RFC1: variants seen among roughly 807,000 people sequenced by gnomAD.
The protein encoded by RFC1 is replication factor C subunit 1.
RFC1 carries 37 observed loss-of-function variants against 137.4 expected under a neutral mutation model. The ratio of observed to expected loss-of-function variants is 0.27; its 90% confidence interval spans 0.21 to 0.35. The LOEUF is 0.35. Among genes scored for constraint, RFC1 ranks in the 10% least tolerant of loss-of-function variants. The pLI is 1.00. For missense variants in RFC1, 1,205 were observed against 1,358.5 expected (o/e 0.89, Z 1.78); for synonymous variants, 429 against 455.7 (o/e 0.94, Z 0.75).
At chr4:39,337,435 AGTGTGTGT>A (rs71921435) in intron 4 of RFC1, among the ~76,000 whole-genome samples, 5,884 of 143,652 alleles carry the variant, frequency 0.041, 395 homozygotes, top group African/African-American at 0.14. Flanking sequence ...TACTCAAATA[AGTGTGTGT>A]GTGTGTGTGT....
intron 23 of RFC1, among the ~76,000 whole-genome samples, chr4:39,291,260 T>G (rs1407734635): frequency 6.6e-6 from 1 of 152,206 alleles, no homozygotes; most frequent in Non-Finnish European, 1.5e-5. Context: ...AGAAAATTTG[T>G]ACAAATCCTC....
intron 2 of RFC1, among the ~76,000 whole-genome samples, chr4:39,346,482 A>G (rs1740867007): frequency 6.6e-6 from 1 of 152,152 alleles, no homozygotes; most frequent in African/African-American, 2.4e-5. Context: ...GTCTCAAAAA[A>G]AAAAAAAAAG....
chr4:39,360,376 G>A (rs926727063), intron 1 of RFC1, among the ~76,000 whole-genome samples: 1 of 152,046 alleles, frequency 6.6e-6, no homozygotes, highest in Non-Finnish European at 1.5e-5. Flanking sequence ...GGTGGCATAC[G>A]TCTGTAGTCC....
In RFC1 at chr4:39,315,949, G is replaced by A. The variant is rs756062425; in HGVS notation, c.1203+966C>T. Among the ~76,000 whole-genome samples, 7 of 152,232 alleles carry A rather than the reference G, an allele frequency of 4.6e-5. No homozygotes were observed. The East Asian group carries it at 9.7e-4, about 21-fold the overall frequency. ...TCCCTCCACTTTAAAATTCCTTCTC[G>A]GCCGGGCCCAGTGGCTCACGCCTGT... is the stretch of plus-strand genomic sequence containing the variant. On this transcript the variant is annotated intron_variant, in intron 10 of 24. Transcript: ENST00000349703.
In RFC1 at chr4:39,354,216, G is replaced by A. The variant is rs1741347991; in HGVS notation, c.4-2740C>T. 2.6e-5 allele frequency among the ~76,000 whole-genome samples: 4 copies of A among 152,290 alleles called. No individual in the cohort carries two copies. In the South Asian group the frequency reaches 8.3e-4, roughly 32 times the overall value. On this transcript the variant is annotated intron_variant, in intron 1 of 24. Coordinates refer to ENST00000349703, the MANE Select transcript of RFC1 (RefSeq NM_002913.5). ...AGCTTTTAGAAAATAATTTTCATCA[G>A]AATGGAAGCCATTCTACTCATACTT...
At chr4:39,326,684 G>C in intron 5 of RFC1, 44 bp from the exon 6 acceptor site, 8 of 1,526,006 alleles carry the variant, frequency 5.2e-6, no homozygotes, top group Non-Finnish European at 7.2e-6. Flanking sequence ...TAAACCTTAA[G>C]TTAAAAATAA....
chr4:39,329,155 C>CAAAAAAA (rs1739952751), intron 4 of RFC1, among the ~76,000 whole-genome samples: 3 of 38,538 alleles, frequency 7.8e-5, no homozygotes, highest in East Asian at 3.1e-3. Context: ...AAAAAAAAAG[C>CAAAAAAA]TTTTCGATTT....
intron 13 of RFC1, among the ~76,000 whole-genome samples, chr4:39,307,966 G>C (rs1044320915): frequency 3.9e-5 from 6 of 152,136 alleles, no homozygotes; most frequent in African/African-American, 1.4e-4. Context: ...TCAAAGCTCA[G>C]TTAAGAAAAT....
At chr4:39,316,463 C>T (rs1027087784) in intron 10 of RFC1, among the ~76,000 whole-genome samples, 1 of 152,126 alleles carries the variant, frequency 6.6e-6, no homozygotes, top group East Asian at 1.9e-4. Flanking sequence ...CCCCTTCACA[C>T]CTGTTGAATC....
rs558324678 is a variant in RFC1 at position 39,351,610 on chromosome 4, G to A, written c.4-134C>T. On this transcript the variant is annotated intron_variant, in intron 1 of 24. Coordinates refer to ENST00000349703, the MANE Select transcript of RFC1 (RefSeq NM_002913.5). The stretch of plus-strand genomic sequence containing the variant: ...TTTTTCCATACCAAGATAGTTCCAC[G>A]AATATAGTAGCTTTCTTTTCATGTG... The A allele has an allele frequency of 8.2e-5, 52 of 632,382 alleles. No individual in the cohort carries two copies. In the East Asian group the frequency reaches 1.5e-3, roughly 18 times the overall value. The allele number at this position is 632,382 out of a possible 1,614,324, so 39.2% of individuals were successfully genotyped here. A position where few individuals can be genotyped will look rare whatever the true frequency, so the allele number is the denominator to read the frequency against.
At chr4:39,298,929 C>T (rs34596298) in intron 21 of RFC1, among the ~76,000 whole-genome samples, 14,898 of 152,204 alleles carry the variant, frequency 0.098, 891 homozygotes, top group East Asian at 0.2. Flanking sequence ...CCATCCTGGC[C>T]AACACTGTTG....
At chr4:39,337,376 A>C (rs1212357894) in intron 4 of RFC1, among the ~76,000 whole-genome samples, 1 of 148,304 alleles carries the variant, frequency 6.7e-6, no homozygotes, top group East Asian at 1.9e-4. Context: ...CTCCGTCTCA[A>C]AAAAAAAAAA....
intron 1 of RFC1, among the ~76,000 whole-genome samples, chr4:39,360,152 G>A (rs1741679213): frequency 6.6e-6 from 1 of 152,160 alleles, no homozygotes; most frequent in African/African-American, 2.4e-5. Flanking sequence ...GATCGTTTCA[G>A]GTCAGGAGTT....
intron 24 of RFC1, 154 bp downstream of exon 24, chr4:39,289,694 A>AT: frequency 1.7e-6 from 1 of 588,014 alleles, no homozygotes; most frequent in Non-Finnish European, 3.0e-6. Context: ...TAAAAATGAA[A>AT]TCTCTACCTT....
rs147775081 is a variant in RFC1, at chr4:39,291,754, T to A, written c.3053A>T (p.Gln1018Leu). ...TGTGTCCATAAGTGCAACAACATCC[T>A]GTACTCCGTCTACTCCTTGTGAGGT... ...PLTSQGVDGVQDVVALMDTYY... is the reference protein window; with the variant it reads ...PLTSQGVDGVLDVVALMDTYY... Residue 1018 changes from glutamine (Q) to leucine (L), a missense_variant, in exon 23 of 25, where the codon CAG becomes CTG. Gln to Leu is a moderately radical substitution (Grantham distance 113, BLOSUM62 -2). Transcript: ENST00000349703. 4.3e-6 allele frequency: 7 copies of A among 1,613,646 alleles called. No homozygotes were observed. In the East Asian group the frequency reaches 1.6e-4, roughly 36 times the overall value.
intron 1 of RFC1, among the ~76,000 whole-genome samples, chr4:39,364,004 C>T (rs1741892848): frequency 6.6e-6 from 1 of 150,944 alleles, no homozygotes; most frequent in African/African-American, 2.4e-5. Flanking sequence ...CGCTTGTACC[C>T]CGGAATTAGA....
intron 1 of RFC1, among the ~76,000 whole-genome samples, chr4:39,361,143 C>G (rs1741734489): frequency 6.6e-6 from 1 of 152,056 alleles, no homozygotes; most frequent in African/African-American, 2.4e-5. Context: ...AATCCCAGCA[C>G]TTTGGGAGGC....
chr4:39,348,925 G>A (rs1162089561), intron 2 of RFC1, among the ~76,000 whole-genome samples: 1 of 152,182 alleles, frequency 6.6e-6, no homozygotes, highest in African/African-American at 2.4e-5. Flanking sequence ...TGCCTTGCTA[G>A]GTTTTGGACT....
intron 12 of RFC1, among the ~76,000 whole-genome samples, chr4:39,309,521 A>T (rs1738860409): frequency 6.6e-6 from 1 of 152,260 alleles, no homozygotes. Context: ...GATACATGCT[A>T]CAACCCAGGT....
Sources: allele counts gnomAD v4.1 joint callset (sites outside exome capture counted in the v4.1 genomes callset), GRCh38; gene constraint gnomAD v4.1.1; transcripts MANE v1.5; gene names NCBI Gene and HGNC (gene_info 2026-07-23, HGNC 2026-07-21).